Variants in SMAD6 observed in about 807,000 individuals in gnomAD.
SMAD6 encodes SMAD family member 6.
In SMAD6, 103 loss-of-function variants were observed where a neutral mutation model predicts 39.4. The observed-to-expected ratio is 2.62, with a 90% CI of 2.23 to 3.08. The LOEUF (loss-of-function observed/expected upper bound fraction) is 3.08. SMAD6 is among the 30% of genes most tolerant of loss of function. The pLI, the probability that SMAD6 is intolerant of heterozygous loss-of-function variation, is 0.00. For synonymous variants in SMAD6, 445 were observed against 353.3 expected (o/e 1.26, Z -2.91); for missense variants, 1,104 against 742.9 (o/e 1.49, Z -5.65).
chr15:66,737,040 C>G (rs1362972546), intron 3 of SMAD6, among the ~76,000 whole-genome samples: 1 of 152,226 alleles, frequency 6.6e-6, no homozygotes, highest in Non-Finnish European at 1.5e-5. Context: ...CGGCCTGGGC[C>G]TCCAGCTCTC....
rs1892992772 is a variant in SMAD6 at position 66,702,490 on chromosome 15, G to C, written c.-769G>C. ...CACGAAGCGTCCGAGGGCAGCGTGG[G>C]GCGGGCTGCGACCTCTGCATCGGTG... On this transcript the variant is annotated 5_prime_UTR_variant, in exon 1 of 4. Coordinates refer to ENST00000288840, the MANE Select transcript of SMAD6 (RefSeq NM_005585.5). The C allele has an allele frequency of 6.6e-6, 1 of 152,552 alleles. No individual in the cohort carries two copies. The highest frequency in any genetic ancestry group is 2.1e-4 in the South Asian group (1 of 4,824). 9.4% of individuals were successfully genotyped at this position (152,552 alleles called of 1,614,324 possible).
At chr15:66,763,730 A>G (rs1467989945) in intron 3 of SMAD6, among the ~76,000 whole-genome samples, 1 of 152,198 alleles carries the variant, frequency 6.6e-6, no homozygotes, top group African/African-American at 2.4e-5. Flanking sequence ...TCACCAAGGA[A>G]GCCACAAACA....
intron 1 of SMAD6, chr15:66,704,757 T>G (rs1190877180): frequency 1.3e-5 from 2 of 152,302 alleles, no homozygotes; most frequent in East Asian, 3.8e-4. Context: ...GTATAGAGTT[T>G]AGGGTCTTGG....
At chr15:66,723,011 G>A (rs567308371) in intron 3 of SMAD6, among the ~76,000 whole-genome samples, 1 of 152,204 alleles carries the variant, frequency 6.6e-6, no homozygotes, top group South Asian at 2.1e-4. Context: ...CTGATCTCAG[G>A]GGCTCCTTGG....
chr15:66,754,879 T>C (rs1237293380), intron 3 of SMAD6, among the ~76,000 whole-genome samples: 1 of 152,074 alleles, frequency 6.6e-6, no homozygotes, highest in African/African-American at 2.4e-5. Flanking sequence ...AAGGGGAGGC[T>C]GTGTGGGCTG....
intron 2 of SMAD6, 147 bp from the exon 3 acceptor site, chr15:66,716,271 GGGT>G (rs1893327237): frequency 3.1e-6 from 2 of 643,808 alleles, no homozygotes; most frequent in Admixed American, 2.4e-5. Flanking sequence ...TGGGGTTACA[GGGT>G]GACATCAGAA....
At chr15:66,729,856 G>A (rs745714026) in intron 3 of SMAD6, among the ~76,000 whole-genome samples, 13 of 152,196 alleles carry the variant, frequency 8.5e-5, no homozygotes, top group Non-Finnish European at 1.8e-4. Context: ...CACCGCGGCC[G>A]GGCCAGTCAG....
rs1893041341 is a variant in SMAD6, at chr15:66,703,849, C to T, written c.591C>T (p.Ser197=). The T allele has an allele frequency of 2.2e-6, 3 of 1,357,860 alleles. No individual in the cohort carries two copies. The highest frequency in any genetic ancestry group is 3.4e-5 in the East Asian group (1 of 29,528). 84.1% of individuals were successfully genotyped at this position (1,357,860 alleles called of 1,614,324 possible). ...ACACGCTGCTGGAGGCGGTGGAGTC[C>T]CGCGGCGGCGTGCCGGGCGGCTGCG... ...SLDTLLEAVE[S]RGGVPGGCVL... The change falls in exon 1 of 4, where the codon TCC becomes TCT. Residue 197 remains serine, a synonymous_variant. Transcript: ENST00000288840.
In SMAD6 at chr15:66,713,727, A is replaced by C. The variant is rs150502183; in HGVS notation, c.874+2003A>C. Among the ~76,000 whole-genome samples, 557 of 152,266 alleles carry C rather than the reference A, an allele frequency of 3.7e-3. 3 individuals carry two copies. Among genetic ancestry groups the C allele is most frequent in the Non-Finnish European group, 6.9e-3 (470 of 68,006 alleles). ...GAAGTGCCCACCAGGTCCCTTCAGG[A>C]GTGTGACCTTCTCAGGCTGGGTGGG... On this transcript the variant is annotated intron_variant, in intron 2 of 3. Coordinates refer to ENST00000288840, the MANE Select transcript of SMAD6 (RefSeq NM_005585.5).
At chr15:66,706,306 C>A (rs913302078) in intron 1 of SMAD6, 1 of 152,222 alleles carries the variant, frequency 6.6e-6, no homozygotes, top group Non-Finnish European at 1.5e-5. Context: ...GGACTTGATT[C>A]CCCTCCTTCT....
At chr15:66,741,481 C>A (rs888008115) in intron 3 of SMAD6, among the ~76,000 whole-genome samples, 1 of 152,310 alleles carries the variant, frequency 6.6e-6, no homozygotes, top group African/African-American at 2.4e-5. Flanking sequence ...GTTTCTCCAT[C>A]TGTAAAATGA....
intron 2 of SMAD6, among the ~76,000 whole-genome samples, chr15:66,715,824 T>C (rs1021942389): frequency 6.7e-6 from 1 of 150,354 alleles, no homozygotes; most frequent in Non-Finnish European, 1.5e-5. Flanking sequence ...AAAGTTGCTC[T>C]TGTGAGCAGG....
At position 66,747,876 on chromosome 15, in the gene SMAD6, C is replaced by T. The variant is rs1893933605; in HGVS notation, c.952+31378C>T. 6.6e-6 allele frequency among the ~76,000 whole-genome samples: 1 copy of T among 152,168 alleles called. No homozygotes were observed. Among genetic ancestry groups the T allele is most frequent in the African/African-American group, 2.4e-5 (1 of 41,434 alleles). On this transcript the variant is annotated intron_variant, in intron 3 of 3. Transcript: ENST00000288840. This position sits in a 1 kb window ranked among gnomAD's most constrained non-coding sequence, Gnocchi z 4.5. Reference sequence around the variant, plus strand: ...GTAGGAACCCTTAATCCTTCCCATTCTCACCCCTGCAGAGATGGCCTAAAG... The same window carrying T: ...GTAGGAACCCTTAATCCTTCCCATTTTCACCCCTGCAGAGATGGCCTAAAG...
chr15:66,723,124 C>T (rs904010289), intron 3 of SMAD6, among the ~76,000 whole-genome samples: 6 of 152,114 alleles, frequency 3.9e-5, no homozygotes, highest in African/African-American at 1.4e-4. Context: ...CTTCTCCCGT[C>T]GTTGGCCAAA....
chr15:66,729,925 G>T (rs1034554995), intron 3 of SMAD6, among the ~76,000 whole-genome samples: 1 of 152,166 alleles, frequency 6.6e-6, no homozygotes, highest in Admixed American at 6.5e-5. Context: ...GGGCGGGGAG[G>T]GGGTGGGCCT....
chr15:66,755,797 T>A (rs1894087289), intron 3 of SMAD6, among the ~76,000 whole-genome samples: 1 of 152,182 alleles, frequency 6.6e-6, no homozygotes, highest in African/African-American at 2.4e-5. Flanking sequence ...TGTTGTCACC[T>A]TATTCCAGGG....
At chr15:66,757,439 A>G (rs977794078) in intron 3 of SMAD6, among the ~76,000 whole-genome samples, 1 of 152,164 alleles carries the variant, frequency 6.6e-6, no homozygotes, top group Non-Finnish European at 1.5e-5. Context: ...CAGCGGACAC[A>G]TTATTTAGCC....
At chr15:66,745,665 G>C (rs528912692) in intron 3 of SMAD6, among the ~76,000 whole-genome samples, 3 of 152,196 alleles carry the variant, frequency 2.0e-5, no homozygotes, top group African/African-American at 4.8e-5. Context: ...TGCAGGGTAC[G>C]TGGCACAGCA....
At chr15:66,770,257 C>T (rs1479698830) in intron 3 of SMAD6, among the ~76,000 whole-genome samples, 1 of 152,176 alleles carries the variant, frequency 6.6e-6, no homozygotes, top group African/African-American at 2.4e-5. Flanking sequence ...TCAGATTAAC[C>T]AGGGACTTCA....
Sources: allele counts gnomAD v4.1 joint callset (sites outside exome capture counted in the v4.1 genomes callset), GRCh38; gene constraint gnomAD v4.1.1; non-coding constraint Gnocchi (gnomAD v3.1); transcripts MANE v1.5; gene names NCBI Gene and HGNC (gene_info 2026-07-23, HGNC 2026-07-21).